The following PTPRD variants were observed in gnomAD, a reference collection of about 807,000 sequenced individuals.
PTPRD encodes receptor-type tyrosine-protein phosphatase delta.
In PTPRD, 34 loss-of-function variants were observed where a neutral mutation model predicts 214.5. That is an observed-to-expected ratio of 0.16 (90% CI 0.12 to 0.21). The LOEUF is 0.21. Among genes scored for constraint, PTPRD ranks in the 10% least tolerant of loss-of-function variants. The pLI is 1.00. For synonymous variants in PTPRD, 1,128 were observed against 845.7 expected, an observed-to-expected ratio of 1.33 and a Z score of -5.79; for missense variants, 2,545 against 2,398.7, an observed-to-expected ratio of 1.06 and a Z score of -1.27.
At chr9:8,537,116 G>A (rs1342801297) in intron 14 of PTPRD, among the ~76,000 whole-genome samples, 5 of 151,918 alleles carry the variant, frequency 3.3e-5, no homozygotes, top group Non-Finnish European at 1.5e-5. Flanking sequence ...TTGACATCAT[G>A]ACCATTATTA....
intron 2 of PTPRD, among the ~76,000 whole-genome samples, chr9:10,348,002 G>A (rs1263961149): frequency 6.6e-6 from 1 of 152,004 alleles, no homozygotes; most frequent in Non-Finnish European, 1.5e-5. Context: ...TGGCTGCAGT[G>A]ACCCGAGATC....
At chr9:8,325,820 G>T (rs1312737209) in intron 44 of PTPRD, among the ~76,000 whole-genome samples, 5 of 152,092 alleles carry the variant, frequency 3.3e-5, no homozygotes, top group African/African-American at 1.2e-4. Context: ...TGGACTCCTA[G>T]GTATTTTATC....
intron 21 of PTPRD, among the ~76,000 whole-genome samples, chr9:8,508,909 G>C (rs951269888): frequency 2.0e-5 from 3 of 151,748 alleles, no homozygotes; most frequent in Non-Finnish European, 1.5e-5. Context: ...GTGTGTGTGT[G>C]TGTGTGTGTG....
chr9:10,076,149 C>T (rs970898982), intron 3 of PTPRD, among the ~76,000 whole-genome samples: 88 of 152,126 alleles, frequency 5.8e-4, no homozygotes, highest in African/African-American at 1.9e-3. Flanking sequence ...TGTATGTGGC[C>T]CTCTGGCTTC....
intron 3 of PTPRD, among the ~76,000 whole-genome samples, chr9:10,233,055 C>A (rs2099617078): frequency 6.6e-6 from 1 of 152,084 alleles, no homozygotes; most frequent in Admixed American, 6.6e-5. Context: ...TGTGAAGCTC[C>A]TTGACTGTAT....
chr9:9,988,589 T>G (rs938219997), intron 4 of PTPRD, among the ~76,000 whole-genome samples: 3 of 152,168 alleles, frequency 2.0e-5, no homozygotes, highest in African/African-American at 7.2e-5. Context: ...GTATCATTAG[T>G]GCTGAATTTT....
At chr9:9,912,583 A>G (rs560383183) in intron 5 of PTPRD, among the ~76,000 whole-genome samples, 2 of 152,338 alleles carry the variant, frequency 1.3e-5, no homozygotes, top group African/African-American at 4.8e-5. Context: ...AAAGCTGAAT[A>G]ATATTAAATG....
intron 11 of PTPRD, among the ~76,000 whole-genome samples, chr9:8,998,279 G>C (rs1399840338): frequency 6.6e-6 from 1 of 151,990 alleles, no homozygotes; most frequent in African/African-American, 2.4e-5. Flanking sequence ...GGATAGGCTG[G>C]TTATCTTGTT....
chr9:9,575,763 A>G lies in PTPRD; in HGVS notation c.-286-982T>C, dbSNP rs1255929415. On this transcript the variant is annotated intron_variant, in intron 7 of 45. Transcript: ENST00000381196. ...AAAAAAAAAGAAAGAAAGAAAAAGA[A>G]AAAAAGAAAAAGAAAGAAAAAGAAA... Among the ~76,000 whole-genome samples, 202 of 129,720 alleles carry G rather than the reference A, an allele frequency of 1.6e-3. 1 individual carries two copies. Among genetic ancestry groups the G allele is most frequent in the African/African-American group, 5.6e-3 (183 of 32,594 alleles). The allele number at this position is 129,720 out of a possible 152,430, so 85.1% of individuals were successfully genotyped here.
rs62529109 is a variant in PTPRD at position 8,929,903 on chromosome 9, A to G, written c.-104+88794T>C. 7.3e-4 allele frequency among the ~76,000 whole-genome samples: 39 copies of G among 53,494 alleles called. 2 individuals carry two copies. Among genetic ancestry groups the G allele is most frequent in the Non-Finnish European group, 1.3e-3 (28 of 21,112 alleles). The allele number at this position is 53,494 out of a possible 152,430, so 35.1% of individuals were successfully genotyped here. On this transcript the variant is annotated intron_variant, in intron 11 of 45. Transcript: ENST00000381196. ...TATATGTGTGTGTATATATATGTGTATATATATGTGTGTGTATATATATAT... is the reference window on the plus strand; with the variant it reads ...TATATGTGTGTGTATATATATGTGTGTATATATGTGTGTGTATATATATAT...
intron 2 of PTPRD, among the ~76,000 whole-genome samples, chr9:10,487,395 TC>T (rs2099139654): frequency 6.6e-6 from 1 of 152,334 alleles, no homozygotes; most frequent in Non-Finnish European, 1.5e-5. Flanking sequence ...TCCTGTCTTC[TC>T]TTTAGTTAAG....
At chr9:9,411,323 T>G (rs974455218) in intron 8 of PTPRD, among the ~76,000 whole-genome samples, 1 of 150,850 alleles carries the variant, frequency 6.6e-6, no homozygotes, top group Non-Finnish European at 1.5e-5. Context: ...TCTCATAAAA[T>G]TGTGCCTTCT....
At chr9:8,935,482 G>A (rs1447073850) in intron 11 of PTPRD, among the ~76,000 whole-genome samples, 6 of 152,082 alleles carry the variant, frequency 3.9e-5, no homozygotes, top group Admixed American at 3.3e-4. Flanking sequence ...TAAAATACCA[G>A]CAAACAAGAG....
intron 7 of PTPRD, among the ~76,000 whole-genome samples, chr9:9,636,924 G>A (rs1394476816): frequency 6.6e-6 from 1 of 152,126 alleles, no homozygotes; most frequent in Non-Finnish European, 1.5e-5. Context: ...TGCTTCCAAG[G>A]TGCACCTTGA....
chr9:9,068,960 C>T (rs150408571), intron 10 of PTPRD, among the ~76,000 whole-genome samples: 217 of 152,012 alleles, frequency 1.4e-3, no homozygotes, highest in Non-Finnish European at 2.7e-3. Context: ...AAATAATTTC[C>T]GGGTAATAGG....
At chr9:10,517,908 T>A (rs1211360173) in intron 2 of PTPRD, among the ~76,000 whole-genome samples, 1 of 152,190 alleles carries the variant, frequency 6.6e-6, no homozygotes, top group East Asian at 1.9e-4. Context: ...CTTTTCTATA[T>A]GCTGAAAGAT....
chr9:9,948,464 T>C (rs974308327), intron 4 of PTPRD, among the ~76,000 whole-genome samples: 1 of 152,054 alleles, frequency 6.6e-6, no homozygotes, highest in African/African-American at 2.4e-5. Context: ...GGCAAATAAA[T>C]GGCAGGTGAT....
At chr9:8,468,320 C>T (rs1052341031) in intron 31 of PTPRD, among the ~76,000 whole-genome samples, 1 of 151,878 alleles carries the variant, frequency 6.6e-6, no homozygotes, top group Non-Finnish European at 1.5e-5. Flanking sequence ...CAAATGACCA[C>T]ATTATTTTAC....
intron 10 of PTPRD, among the ~76,000 whole-genome samples, chr9:9,036,403 T>C (rs1273039436): frequency 6.6e-6 from 1 of 152,068 alleles, no homozygotes; most frequent in Non-Finnish European, 1.5e-5. Context: ...AGGGTCTTAA[T>C]TGTCATAGCC....
Sources: gnomAD v4.1 joint callset for allele counts (sites outside exome capture counted in the v4.1 genomes callset) on GRCh38, gnomAD v4.1.1 for gene constraint, MANE v1.5 for transcripts, NCBI Gene and HGNC (gene_info 2026-07-23, HGNC 2026-07-21) for gene names.